CSNK1G1: variants seen among roughly 807,000 people sequenced by gnomAD.
CSNK1G1 encodes casein kinase I isoform gamma-1.
Under a neutral mutation model 59.6 loss-of-function variants are expected in CSNK1G1, and 22 were observed. The observed-to-expected ratio is 0.37, with a 90% CI of 0.26 to 0.53. The LOEUF is 0.53. Ranked by LOEUF, CSNK1G1 falls within the 20% of genes least tolerant of loss-of-function variation. The probability of loss-of-function intolerance (pLI) is 0.89; values close to 1 mark genes in which losing one functional copy is unlikely to be tolerated. For synonymous variants in CSNK1G1, 179 were observed against 177.1 expected (o/e 1.01, Z -0.08); for missense variants, 384 against 519.5 (o/e 0.74, Z 2.54).
intron 10 of CSNK1G1, among the ~76,000 whole-genome samples, chr15:64,182,981 C>T (rs1339127909): frequency 1.3e-5 from 2 of 152,212 alleles, no homozygotes; most frequent in Non-Finnish European, 2.9e-5. Context: ...CATATTCTGG[C>T]TGCATACCAG....
intron 4 of CSNK1G1, among the ~76,000 whole-genome samples, chr15:64,238,277 C>A (rs992602469): frequency 5.3e-5 from 8 of 151,294 alleles, no homozygotes; most frequent in Admixed American, 2.0e-4. Context: ...TAAAAAAAAT[C>A]TGTACAAAAA....
At chr15:64,233,031 A>G (rs1269925359) in intron 4 of CSNK1G1, among the ~76,000 whole-genome samples, 1 of 152,172 alleles carries the variant, frequency 6.6e-6, no homozygotes, top group Non-Finnish European at 1.5e-5. Flanking sequence ...TCTTCAGTCC[A>G]GTTCACTTAT....
intron 3 of CSNK1G1, 144 bp from the exon 4 acceptor site, chr15:64,251,725 G>C: frequency 1.7e-6 from 1 of 596,352 alleles, no homozygotes; most frequent in Non-Finnish European, 3.0e-6. Flanking sequence ...AACCACAATT[G>C]GTCTTGGACA....
chr15:64,240,071 T>C (rs1382514795), intron 4 of CSNK1G1, among the ~76,000 whole-genome samples: 1 of 152,008 alleles, frequency 6.6e-6, no homozygotes, highest in Non-Finnish European at 1.5e-5. Flanking sequence ...TTGTCTCTAC[T>C]AAACATACAA....
chr15:64,299,617 A>G (rs888729135), intron 2 of CSNK1G1, among the ~76,000 whole-genome samples: 4 of 151,582 alleles, frequency 2.6e-5, no homozygotes, highest in African/African-American at 9.7e-5. Context: ...TTATATATAT[A>G]TATAAATACC....
intron 3 of CSNK1G1, among the ~76,000 whole-genome samples, chr15:64,256,674 A>T (rs1217796572): frequency 6.6e-6 from 1 of 152,188 alleles, no homozygotes; most frequent in Non-Finnish European, 1.5e-5. Flanking sequence ...AACCCTAGAA[A>T]TGTGGGTGAT....
At chr15:64,240,597 C>G (rs1436668542) in intron 4 of CSNK1G1, among the ~76,000 whole-genome samples, 1 of 151,502 alleles carries the variant, frequency 6.6e-6, no homozygotes, top group Non-Finnish European at 1.5e-5. Context: ...TCAGTGGAAA[C>G]CTTACAGGCC....
chr15:64,267,960 A>C (rs549610283), intron 2 of CSNK1G1, among the ~76,000 whole-genome samples: 11 of 152,250 alleles, frequency 7.2e-5, no homozygotes, highest in African/African-American at 2.6e-4. Context: ...CAAAAAAATA[A>C]AGTAAAATAA....
intron 1 of CSNK1G1, among the ~76,000 whole-genome samples, chr15:64,306,106 C>A (rs1895673396): frequency 6.6e-6 from 1 of 152,134 alleles, no homozygotes; most frequent in Admixed American, 6.5e-5. Context: ...GATATACCAA[C>A]AAAAGCATGA....
intron 1 of CSNK1G1, among the ~76,000 whole-genome samples, chr15:64,313,101 CAG>C (rs1203783162): frequency 1.3e-5 from 2 of 152,252 alleles, no homozygotes; most frequent in Admixed American, 6.5e-5. Flanking sequence ...AGTCAGGAAA[CAG>C]ATGCTGGAGA....
At chr15:64,278,383 T>C (rs998682076) in intron 2 of CSNK1G1, among the ~76,000 whole-genome samples, 54 of 105,290 alleles carry the variant, frequency 5.1e-4, no homozygotes, top group African/African-American at 2.2e-3. Flanking sequence ...TGTGCGTGTG[T>C]GTGTGTGTGT....
At chr15:64,277,824 TTAA>T (rs1485312755) in intron 2 of CSNK1G1, among the ~76,000 whole-genome samples, 60 of 134,632 alleles carry the variant, frequency 4.5e-4, no homozygotes, top group African/African-American at 6.0e-4. Flanking sequence ...ATTGATATAT[TTAA>T]TAATAATATT....
At chr15:64,287,466 C>T (rs987876999) in intron 2 of CSNK1G1, among the ~76,000 whole-genome samples, 49 of 151,966 alleles carry the variant, frequency 3.2e-4, no homozygotes, top group African/African-American at 1.1e-3. Context: ...GTTTGTGAAC[C>T]ATGGTTAGGA....
At chr15:64,254,453 G>C (rs1348484419) in intron 3 of CSNK1G1, among the ~76,000 whole-genome samples, 1 of 151,234 alleles carries the variant, frequency 6.6e-6, no homozygotes, top group African/African-American at 2.4e-5. Flanking sequence ...TCCTGGTTCA[G>C]CGATTTTCCT....
intron 2 of CSNK1G1, among the ~76,000 whole-genome samples, chr15:64,280,029 C>CA (rs1040312934): frequency 1.3e-5 from 2 of 148,538 alleles, no homozygotes; most frequent in African/African-American, 5.0e-5. Context: ...AATGCATAAA[C>CA]AAAATGTGGT....
chr15:64,178,485 T>TC (rs1221467365), intron 11 of CSNK1G1, among the ~76,000 whole-genome samples: 25 of 145,668 alleles, frequency 1.7e-4, no homozygotes, highest in African/African-American at 6.3e-4. Context: ...AAATTTTCTT[T>TC]TTTTTTTTTT....
intron 2 of CSNK1G1, among the ~76,000 whole-genome samples, chr15:64,288,883 C>A (rs1894578019): frequency 6.6e-6 from 1 of 151,906 alleles, no homozygotes; most frequent in Admixed American, 6.6e-5. Flanking sequence ...TAGTCCTCCT[C>A]AAAAATTGTG....
At chr15:64,212,998 T>G (rs2082267924) in intron 6 of CSNK1G1, among the ~76,000 whole-genome samples, 1 of 152,172 alleles carries the variant, frequency 6.6e-6, no homozygotes, top group Non-Finnish European at 1.5e-5. Context: ...AGAGCGAGAC[T>G]ACATCTCAAA....
chr15:64,263,763 T>C (rs1892824770), intron 2 of CSNK1G1, among the ~76,000 whole-genome samples: 2 of 150,936 alleles, frequency 1.3e-5, no homozygotes, highest in South Asian at 2.1e-4. Context: ...TTTCTCAGTC[T>C]GTTTTCACTT....
Sources: allele counts gnomAD v4.1 joint callset (sites outside exome capture counted in the v4.1 genomes callset), GRCh38; gene constraint gnomAD v4.1.1; transcripts MANE v1.5; gene names NCBI Gene and HGNC (gene_info 2026-07-23, HGNC 2026-07-21).